MYBL2: variants seen among roughly 807,000 people sequenced by gnomAD.
The protein encoded by MYBL2 is MYB proto-oncogene like 2.
A neutral mutation model predicts 79.9 loss-of-function variants in MYBL2; 28 were observed. The ratio of observed to expected loss-of-function variants is 0.35; its 90% CI spans 0.26 to 0.48. The LOEUF is 0.48. Among genes scored for constraint, MYBL2 ranks in the 20% least tolerant of loss-of-function variants. The pLI is 0.99. For synonymous variants in MYBL2, 378 were observed against 361.2 expected, an observed-to-expected ratio of 1.05 and a Z score of -0.53; for missense variants, 735 against 893.9, an observed-to-expected ratio of 0.82 and a Z score of 2.27.
At position 43,705,123 on chromosome 20, in the gene MYBL2, G is replaced by A. The variant is rs1347367504; in HGVS notation, c.1366-96G>A. 2.7e-6 allele frequency: 4 copies of A among 1,484,512 alleles called. No individual in the cohort carries two copies. In the African/African-American group the frequency reaches 5.6e-5, roughly 21 times the overall value. The allele number at this position is 1,484,512 out of a possible 1,614,324, so 92.0% of individuals were successfully genotyped here. A position where few individuals can be genotyped will look rare whatever the true frequency, so the allele number is the denominator to read the frequency against. Reference sequence around the variant, plus strand: ...CAGTATCAGAGCAGACGTTTTGGGGGAGAGGCTCAAGGATCTCTCCCCATG... The same window carrying A: ...CAGTATCAGAGCAGACGTTTTGGGGAAGAGGCTCAAGGATCTCTCCCCATG... On this transcript the variant is annotated intron_variant, in intron 8 of 13. Transcript: ENST00000217026.
chr20:43,702,917 A>T lies in MYBL2; in HGVS notation c.1365+14A>T, dbSNP rs114440603. 11 of 1,571,822 alleles carry T rather than the reference A, an allele frequency of 7.0e-6. No individual in the cohort carries two copies. Among genetic ancestry groups the T allele is most frequent in the Non-Finnish European group, 8.7e-6 (10 of 1,152,088 alleles). On this transcript the variant is annotated intron_variant, in intron 8 of 13. Transcript: ENST00000217026. The stretch of plus-strand genomic sequence containing the variant: ...TCGCCCTCCCAGGTGCGTGGACCCC[A>T]CTCTGGCTGCTTATTGGGTCGGTAC...
At chr20:43,714,851 G>T (rs1206733560) in intron 12 of MYBL2, among the ~76,000 whole-genome samples, 1 of 152,148 alleles carries the variant, frequency 6.6e-6, no homozygotes, top group African/African-American at 2.4e-5. Flanking sequence ...GGATGGTCTC[G>T]ATCTCTTGAC....
At chr20:43,683,955 G>A (rs1356457818) in intron 4 of MYBL2, among the ~76,000 whole-genome samples, 1 of 151,954 alleles carries the variant, frequency 6.6e-6, no homozygotes, top group Admixed American at 6.6e-5. Flanking sequence ...TTGAGGCGGG[G>A]GTTCGCTCTG....
rs991388683 is a variant in MYBL2, at chr20:43,668,735, C to G, written c.20+1432C>G. Among the ~76,000 whole-genome samples the G allele has an allele frequency of 4.7e-5, 7 of 148,250 alleles. No homozygotes were observed. The East Asian group carries it at 1.2e-3, about 26-fold the overall frequency. On this transcript the variant is annotated intron_variant, in intron 1 of 13. Transcript: ENST00000217026. ...CAGGGTCTCCGTCTGCAGTCCAGGC[C>G]GGAGTGCTGTGGTGCTGTCATAGCT...
chr20:43,716,286 T>C lies in MYBL2; in HGVS notation c.*199T>C, dbSNP rs1403383571. ...CCCAGCTGTGGGCGGCTCCTGGTGC[T>C]AACAACAAAGTTCCACTTCCAGGTC... On this transcript the variant is annotated 3_prime_UTR_variant, in exon 14 of 14. Coordinates refer to ENST00000217026, the MANE Select transcript of MYBL2 (RefSeq NM_002466.4). The C allele has an allele frequency of 4.0e-6, 3 of 750,560 alleles. No homozygotes were observed. Among genetic ancestry groups the C allele is most frequent in the Non-Finnish European group, 6.1e-6 (3 of 491,936 alleles). The allele number at this position is 750,560 out of a possible 1,614,324, so 46.5% of individuals were successfully genotyped here.
chr20:43,671,876 G>A (rs964671413), intron 1 of MYBL2, among the ~76,000 whole-genome samples: 9 of 151,376 alleles, frequency 5.9e-5, no homozygotes, highest in Non-Finnish European at 1.2e-4. Context: ...AAAGCAGCTC[G>A]TACTGTTTTT....
At position 43,699,891 on chromosome 20, in the gene MYBL2, A is replaced by T. The variant is rs762020366; in HGVS notation, c.798A>T (p.Thr266=). The T allele has an allele frequency of 6.2e-7, 1 of 1,614,066 alleles. No individual in the cohort carries two copies. The highest frequency in any genetic ancestry group is 8.5e-7 in the Non-Finnish European group (1 of 1,179,992). ...PIGTDLDAVR[T]PEPLEEFPKR... is the part of the protein sequence containing the mutation. ...GTACAGATCTGGACGCAGTGCGAAC[A>T]CCAGAGCCCTTGGAGGAATTCCCGA... is the stretch of plus-strand genomic sequence containing the variant. The change falls in exon 7 of 14, where the codon ACA becomes ACT. Residue 266 remains threonine (T), a synonymous_variant. Coordinates refer to ENST00000217026, the MANE Select transcript of MYBL2 (RefSeq NM_002466.4).
intron 6 of MYBL2, 63 bp from the exon 7 acceptor site, chr20:43,699,694 T>C: frequency 6.5e-7 from 1 of 1,533,982 alleles, no homozygotes; most frequent in African/African-American, 1.4e-5. Context: ...GTGGTTTAGC[T>C]GGAAACTACT....
chr20:43,679,517 C>T (rs575648426), intron 2 of MYBL2, among the ~76,000 whole-genome samples: 6 of 151,988 alleles, frequency 3.9e-5, no homozygotes, highest in South Asian at 4.2e-4. Flanking sequence ...GCCTGTAAAC[C>T]GAGTACTGTG....
In MYBL2 at chr20:43,716,184, A is replaced by T; in HGVS notation, c.*97A>T. 4.6e-6 allele frequency: 7 copies of T among 1,523,122 alleles called. No individual in the cohort carries two copies. Among genetic ancestry groups the T allele is most frequent in the Admixed American group, 3.8e-5 (2 of 53,216 alleles). 94.4% of individuals were successfully genotyped at this position (1,523,122 alleles called of 1,614,324 possible). Reference sequence around the variant, plus strand: ...GAGAGTCATTCAGGTGACCTCCTGCAGGGAGCCTTCTGCCACCAGCCCCTC... The same window carrying T: ...GAGAGTCATTCAGGTGACCTCCTGCTGGGAGCCTTCTGCCACCAGCCCCTC... On this transcript the variant is annotated 3_prime_UTR_variant, in exon 14 of 14. Coordinates refer to ENST00000217026, the MANE Select transcript of MYBL2 (RefSeq NM_002466.4).
chr20:43,677,470 A>G (rs1045455176), intron 2 of MYBL2, among the ~76,000 whole-genome samples: 1 of 152,260 alleles, frequency 6.6e-6, no homozygotes, highest in African/African-American at 2.4e-5. Context: ...GAAATTTAGC[A>G]GTGAGGGAAG....
chr20:43,690,228 C>G (rs192474300), intron 5 of MYBL2, among the ~76,000 whole-genome samples: 7 of 149,926 alleles, frequency 4.7e-5, no homozygotes, highest in South Asian at 2.1e-4. Context: ...TTTTTTGAGA[C>G]GGAGTCTTGC....
chr20:43,711,752 G>A (rs2145735604), intron 11 of MYBL2, 151 bp downstream of exon 11: 3 of 660,928 alleles, frequency 4.5e-6, no homozygotes, highest in Non-Finnish European at 7.9e-6. Flanking sequence ...GGTGGTTGTT[G>A]AGGAAACTGA....
chr20:43,678,311 T>G (rs12479558), intron 2 of MYBL2, among the ~76,000 whole-genome samples: 1,309 of 17,998 alleles, frequency 0.073, 9 homozygotes, highest in African/African-American at 0.11. Context: ...AAAAAATAAA[T>G]AAAGAAAGAA....
At chr20:43,704,816 C>G (rs999542936) in intron 8 of MYBL2, among the ~76,000 whole-genome samples, 2 of 152,188 alleles carry the variant, frequency 1.3e-5, no homozygotes, top group African/African-American at 4.8e-5. Flanking sequence ...AAGGTGCCCT[C>G]TAAATGATAA....
At chr20:43,704,321 A>G (rs917496042) in intron 8 of MYBL2, among the ~76,000 whole-genome samples, 35 of 152,228 alleles carry the variant, frequency 2.3e-4, no homozygotes, top group African/African-American at 8.4e-4. Context: ...TGGCCTAACT[A>G]ACCACTTTAA....
At chr20:43,675,364 A>C (rs1283847912) in intron 2 of MYBL2, among the ~76,000 whole-genome samples, 1 of 151,430 alleles carries the variant, frequency 6.6e-6, no homozygotes, top group Non-Finnish European at 1.5e-5. Flanking sequence ...CCCAGGCTGA[A>C]GTGCAATGGC....
At chr20:43,714,743 G>A (rs769475523) in intron 12 of MYBL2, among the ~76,000 whole-genome samples, 10 of 152,060 alleles carry the variant, frequency 6.6e-5, no homozygotes, top group Non-Finnish European at 1.2e-4. Context: ...CCATTCTTCT[G>A]CCTCAGCCTC....
At chr20:43,670,380 C>G (rs1310470921) in intron 1 of MYBL2, among the ~76,000 whole-genome samples, 2 of 152,168 alleles carry the variant, frequency 1.3e-5, no homozygotes, top group Non-Finnish European at 2.9e-5. Flanking sequence ...AATTCCAGAT[C>G]CTTCTGTATT....
Sources: gnomAD v4.1 joint callset for allele counts (sites outside exome capture counted in the v4.1 genomes callset) on GRCh38, gnomAD v4.1.1 for gene constraint, MANE v1.5 for transcripts, NCBI Gene and HGNC (gene_info 2026-07-23, HGNC 2026-07-21) for gene names.